NME7: variants seen among roughly 807,000 people sequenced by gnomAD.
The protein encoded by NME7 is nucleoside diphosphate kinase 7.
NME7 carries 41 observed loss-of-function variants against 49.1 expected under a neutral mutation model. That is an observed-to-expected ratio of 0.83 (90% CI 0.65 to 1.08). The LOEUF (loss-of-function observed/expected upper bound fraction) is 1.08, where lower values mean the gene tolerates loss of function less well. NME7 is among the 50% of genes least tolerant of loss of function. The pLI, the probability that NME7 is intolerant of heterozygous loss-of-function variation, is 0.00. For synonymous variants in NME7, 139 were observed against 150.6 expected (o/e 0.92, Z 0.56); for missense variants, 423 against 463.4 (o/e 0.91, Z 0.80).
At chr1:169,164,525 G>C (rs759011420) in intron 11 of NME7, among the ~76,000 whole-genome samples, 1 of 152,122 alleles carries the variant, frequency 6.6e-6, no homozygotes, top group Non-Finnish European at 1.5e-5. Context: ...GGAAACCTAC[G>C]CATAGTGAGA....
chr1:169,193,583 G>A (rs1660293305), intron 10 of NME7, among the ~76,000 whole-genome samples: 1 of 152,190 alleles, frequency 6.6e-6, no homozygotes, highest in African/African-American at 2.4e-5. Flanking sequence ...ATGCTGCTGA[G>A]GGTTAACATT....
intron 10 of NME7, among the ~76,000 whole-genome samples, chr1:169,223,106 T>C (rs1297399096): frequency 6.6e-6 from 1 of 152,202 alleles, no homozygotes; most frequent in Non-Finnish European, 1.5e-5. Flanking sequence ...TTATTCAACT[T>C]TGTGACCTTT....
intron 7 of NME7, among the ~76,000 whole-genome samples, chr1:169,274,838 G>A (rs1649637843): frequency 7.5e-6 from 1 of 133,134 alleles, no homozygotes; most frequent in South Asian, 2.3e-4. Context: ...CTCTGTTTTG[G>A]TACCAGTACC....
intron 7 of NME7, among the ~76,000 whole-genome samples, chr1:169,245,624 A>G (rs1383532822): frequency 2.0e-5 from 3 of 152,232 alleles, no homozygotes; most frequent in Non-Finnish European, 2.9e-5. Context: ...CATGTTTAAT[A>G]TTAATAACCA....
chr1:169,319,351 C>T, intron 3 of NME7, among the ~76,000 whole-genome samples: 1 of 152,146 alleles, frequency 6.6e-6, no homozygotes. Context: ...CTACATAAGT[C>T]TAGAAAACAT....
intron 2 of NME7, among the ~76,000 whole-genome samples, chr1:169,324,102 G>C (rs1040987396): frequency 6.6e-5 from 10 of 151,842 alleles, no homozygotes; most frequent in Admixed American, 6.6e-4. Context: ...TAATCTGCCT[G>C]GGTCGGCCTC....
intron 5 of NME7, 100 bp from the exon 6 acceptor site, chr1:169,298,863 C>G: frequency 1.0e-6 from 1 of 956,822 alleles, no homozygotes; most frequent in Middle Eastern, 3.2e-4. Flanking sequence ...TCAACATAGA[C>G]ATGAATATTA....
In NME7 at chr1:169,265,075, G is replaced by T. The variant is rs1370116054; in HGVS notation, c.754+22228C>A. 3.8e-5 allele frequency among the ~76,000 whole-genome samples: 5 copies of T among 132,794 alleles called. 2 individuals carry two copies. Among genetic ancestry groups the T allele is most frequent in the Non-Finnish European group, 8.8e-5 (5 of 56,630 alleles). The allele number at this position is 132,794 out of a possible 152,430, so 87.1% of individuals were successfully genotyped here. ...CTCACTAATTATCATGAGAACAGCA[G>T]TGTGGGGGTAACTGCTACCAAGATT... is the stretch of plus-strand genomic sequence containing the variant. On this transcript the variant is annotated intron_variant, in intron 7 of 11. Coordinates refer to ENST00000367811, the MANE Select transcript of NME7 (RefSeq NM_013330.5).
chr1:169,238,476 G>GGCACAC (rs1455579350), intron 7 of NME7, among the ~76,000 whole-genome samples: 52 of 79,138 alleles, frequency 6.6e-4, no homozygotes, highest in African/African-American at 2.5e-3. Context: ...CATGCACAAA[G>GGCACAC]GCACACACAC....
intron 1 of NME7, among the ~76,000 whole-genome samples, chr1:169,365,256 T>A (rs1653809322): frequency 6.6e-6 from 1 of 152,118 alleles, no homozygotes; most frequent in South Asian, 2.1e-4. Flanking sequence ...AACCACAACT[T>A]CCAAGCTGTC....
At chr1:169,148,004 TA>T (rs1658807962) in intron 11 of NME7, among the ~76,000 whole-genome samples, 1 of 93,716 alleles carries the variant, frequency 1.1e-5, no homozygotes, top group Non-Finnish European at 2.1e-5. Context: ...AAGTTTCTTT[TA>T]TTTTATTTTT....
chr1:169,333,236 C>T (rs1003635420), intron 1 of NME7, among the ~76,000 whole-genome samples: 2 of 151,988 alleles, frequency 1.3e-5, no homozygotes, highest in South Asian at 4.1e-4. Flanking sequence ...TCTCACTTAT[C>T]TGTGGGTTCT....
intron 11 of NME7, among the ~76,000 whole-genome samples, chr1:169,134,577 G>A (rs2101801500): frequency 6.6e-6 from 1 of 152,262 alleles, no homozygotes; most frequent in East Asian, 1.9e-4. Context: ...GAAATACCGA[G>A]TTAGTATGTC....
intron 3 of NME7, among the ~76,000 whole-genome samples, chr1:169,313,381 C>A (rs1195020626): frequency 6.6e-6 from 1 of 151,946 alleles, no homozygotes; most frequent in Non-Finnish European, 1.5e-5. Context: ...AAGGCTATAC[C>A]ACCCCCGCTT....
chr1:169,309,834 T>G, intron 4 of NME7, 136 bp downstream of exon 4: 1 of 563,580 alleles, frequency 1.8e-6, no homozygotes, highest in East Asian at 3.2e-5. Context: ...TCAGTTCCCA[T>G]TTTGGTTAAG....
At chr1:169,178,311 C>A (rs1371163809) in intron 10 of NME7, among the ~76,000 whole-genome samples, 1 of 152,070 alleles carries the variant, frequency 6.6e-6, no homozygotes, top group South Asian at 2.1e-4. Context: ...AGAATTCTTG[C>A]GATGTGGAAG....
At chr1:169,200,118 G>T (rs1037775964) in intron 10 of NME7, among the ~76,000 whole-genome samples, 4 of 151,128 alleles carry the variant, frequency 2.6e-5, no homozygotes, top group Non-Finnish European at 5.9e-5. Context: ...TCTTCAAGGG[G>T]CTTATGGTCT....
chr1:169,305,237 A>T (rs1369300303), intron 4 of NME7, among the ~76,000 whole-genome samples: 3 of 152,202 alleles, frequency 2.0e-5, no homozygotes, highest in African/African-American at 7.2e-5. Flanking sequence ...GTGAATCACT[A>T]TCTAGAGAAG....
At chr1:169,262,752 G>A (rs1649203749) in intron 7 of NME7, among the ~76,000 whole-genome samples, 1 of 133,722 alleles carries the variant, frequency 7.5e-6, no homozygotes. Flanking sequence ...CTGAGAAGGA[G>A]AGAATCAACC....
Sources: gnomAD v4.1 joint callset for allele counts (sites outside exome capture counted in the v4.1 genomes callset) on GRCh38, gnomAD v4.1.1 for gene constraint, MANE v1.5 for transcripts, NCBI Gene and HGNC (gene_info 2026-07-23, HGNC 2026-07-21) for gene names.